Variants in ADAMTS9 observed in about 807,000 individuals in gnomAD.
ADAMTS9 encodes the protein A disintegrin and metalloproteinase with thrombospondin motifs 9.
ADAMTS9 carries 107 observed loss-of-function variants against 257.1 expected under a neutral mutation model. The observed-to-expected ratio is 0.42, with a 90% confidence interval of 0.36 to 0.49. The LOEUF is 0.49. Among genes scored for constraint, ADAMTS9 ranks in the 20% least tolerant of loss-of-function variants. ADAMTS9 has a pLI of 0.03. For synonymous variants in ADAMTS9, 982 were observed against 880.9 expected (o/e 1.11, Z -2.03); for missense variants, 2,353 against 2,469.1 (o/e 0.95, Z 1.00).
At chr3:64,667,595 G>T (rs1471451829) in intron 3 of ADAMTS9, among the ~76,000 whole-genome samples, 1 of 152,182 alleles carries the variant, frequency 6.6e-6, no homozygotes, top group Admixed American at 6.5e-5. Flanking sequence ...GGTGCCTCCA[G>T]CTACCTGGGG....
At chr3:64,569,966 T>G (rs2083639195) in intron 28 of ADAMTS9, among the ~76,000 whole-genome samples, 1 of 152,190 alleles carries the variant, frequency 6.6e-6, no homozygotes, top group African/African-American at 2.4e-5. Context: ...TGCGATATAA[T>G]TCTAGAAGGC....
chr3:64,551,331 T>A (rs1345449343), intron 30 of ADAMTS9, among the ~76,000 whole-genome samples: 1 of 152,112 alleles, frequency 6.6e-6, no homozygotes, highest in African/African-American at 2.4e-5. Flanking sequence ...TGCCTCAGCC[T>A]CCCGAGTAGC....
At position 64,682,873 on chromosome 3, in the gene ADAMTS9, A is replaced by G. The variant is rs556722621; in HGVS notation, c.517-1510T>C. On this transcript the variant is annotated intron_variant, in intron 2 of 39. Coordinates refer to ENST00000498707, the MANE Select transcript of ADAMTS9 (RefSeq NM_182920.2). The stretch of plus-strand genomic sequence containing the variant: ...TTGGCTCCCCAAAACAGCTAGCTTC[A>G]AAATTGCCTGGGAAGGTTTTTTGTT... 5.9e-5 allele frequency among the ~76,000 whole-genome samples: 9 copies of G among 152,354 alleles called. No individual in the cohort carries two copies. In the South Asian group the frequency reaches 1.9e-3, roughly 32 times the overall value.
chr3:64,585,334 T>A (rs1467422486), intron 28 of ADAMTS9, among the ~76,000 whole-genome samples: 2 of 152,130 alleles, frequency 1.3e-5, no homozygotes, highest in African/African-American at 4.8e-5. Context: ...CCACATGGAC[T>A]AAGGAATACA....
chr3:64,657,406 G>A (rs1317198335), intron 4 of ADAMTS9, among the ~76,000 whole-genome samples: 2 of 152,076 alleles, frequency 1.3e-5, no homozygotes, highest in African/African-American at 4.8e-5. Context: ...GCGCAATCAA[G>A]GCTCACTGTA....
intron 12 of ADAMTS9, among the ~76,000 whole-genome samples, chr3:64,640,751 T>C (rs1182300441): frequency 2.0e-5 from 3 of 152,248 alleles, no homozygotes; most frequent in Non-Finnish European, 4.4e-5. Context: ...TTCAACTATG[T>C]ATGTCTTAGA....
chr3:64,600,291 G>A (rs940559172), intron 26 of ADAMTS9, among the ~76,000 whole-genome samples: 2 of 152,078 alleles, frequency 1.3e-5, no homozygotes, highest in Admixed American at 1.3e-4. Context: ...ATCTTCCTGG[G>A]AGCAGGTCAG....
At chr3:64,582,882 G>C (rs959472454) in intron 28 of ADAMTS9, 1 of 152,146 alleles carries the variant, frequency 6.6e-6, no homozygotes, top group African/African-American at 2.4e-5. Flanking sequence ...ACTTCCAGAA[G>C]AGTTCTCAAA....
In ADAMTS9 at chr3:64,622,310, C is replaced by G; in HGVS notation, c.2574G>C (p.Lys858Asn). Residue 858 changes from lysine (K) to asparagine (N), a missense_variant, in exon 18 of 40, where the codon AAG (lysine) becomes AAC (asparagine). By Grantham distance (94) the Lys-to-Asn change is moderately conservative. Around this residue, in one of 3 missense-constraint regions of ADAMTS9, gnomAD observed 1,402 missense variants for 1,441.4 expected, o/e 0.97. Transcript: ENST00000498707. ...AATAGCGTACATCGGGGTTGTACAACTTTCCCACCGACAAAACCTAGAATG... is the reference window on the plus strand; with the variant it reads ...AATAGCGTACATCGGGGTTGTACAAGTTTCCCACCGACAAAACCTAGAATG... ...ELLLQVLSVG[K>N]LYNPDVRYSF... is the part of the protein sequence containing the mutation. 1 of 1,613,672 alleles carries G rather than the reference C, an allele frequency of 6.2e-7. No homozygotes were observed. Among genetic ancestry groups the G allele is most frequent in the Non-Finnish European group, 8.5e-7 (1 of 1,179,906 alleles).
In ADAMTS9 at chr3:64,687,099, A is replaced by G. The variant is rs76966322; in HGVS notation, c.116-131T>C. ...CGAGTCAATCCCTTCACCCTTAATC[A>G]GTGGACAAATATTTGCTGAGCACCT... On this transcript the variant is annotated intron_variant, in intron 1 of 39. Transcript: ENST00000498707. This position sits in a 1 kb window ranked among gnomAD's most constrained non-coding sequence, Gnocchi z 4.4. The G allele has an allele frequency of 9.4e-3, 10,517 of 1,115,430 alleles. 147 individuals are homozygous for G. Among genetic ancestry groups the G allele is most frequent in the African/African-American group, 0.035 (2,228 of 63,752 alleles). 69.1% of individuals were successfully genotyped at this position (1,115,430 alleles called of 1,614,324 possible). A position where few individuals can be genotyped will look rare whatever the true frequency, so the allele number is the denominator to read the frequency against.
At chr3:64,535,573 A>C (rs1249273162) in intron 37 of ADAMTS9, among the ~76,000 whole-genome samples, 1 of 63,644 alleles carries the variant, frequency 1.6e-5, no homozygotes, top group Non-Finnish European at 3.1e-5. Context: ...TTTTTTTTTG[A>C]GACAAGGTCT....
rs747712607 is a variant in ADAMTS9 at position 64,622,417 on chromosome 3, T to C, written c.2556+3A>G. The C allele has an allele frequency of 1.2e-6, 2 of 1,613,914 alleles. No individual in the cohort carries two copies. The highest frequency in any genetic ancestry group is 1.7e-6 in the Non-Finnish European group (2 of 1,179,904). ...GGTGGTGGGCTCATGGTCAAGTTTT[T>C]ACCTGAAGCAAAAGTTCTTGCTCAA... On this transcript the variant is annotated splice_donor_region_variant and intron_variant, in intron 17 of 39. Coordinates refer to ENST00000498707, the MANE Select transcript of ADAMTS9 (RefSeq NM_182920.2).
At chr3:64,603,771 TAA>T in intron 25 of ADAMTS9, 149 bp downstream of exon 25, 1 of 926,524 alleles carries the variant, frequency 1.1e-6, no homozygotes, top group Non-Finnish European at 1.6e-6. Flanking sequence ...CAACTACACA[TAA>T]GTGGAGCAGC....
intron 32 of ADAMTS9, among the ~76,000 whole-genome samples, chr3:64,543,793 A>G (rs2083160144): frequency 6.6e-6 from 1 of 152,188 alleles, no homozygotes; most frequent in African/African-American, 2.4e-5. Flanking sequence ...GAAAGAAATA[A>G]AGGGTATTCA....
chr3:64,594,532 T>A (rs79660480), intron 27 of ADAMTS9, 98 bp from the exon 28 acceptor site: 1 of 1,460,478 alleles, frequency 6.8e-7, no homozygotes, highest in African/African-American at 1.4e-5. Context: ...AATTATGGCA[T>A]TGGGCAAGGT....
intron 36 of ADAMTS9, among the ~76,000 whole-genome samples, chr3:64,540,247 G>A (rs901169161): frequency 3.3e-5 from 5 of 152,140 alleles, no homozygotes; most frequent in Non-Finnish European, 7.3e-5. Flanking sequence ...AAGTATCTTG[G>A]TACAAATCAC....
chr3:64,655,407 G>T (rs578240900), intron 6 of ADAMTS9, among the ~76,000 whole-genome samples, 169 bp downstream of exon 6: 1 of 152,192 alleles, frequency 6.6e-6, no homozygotes, highest in Non-Finnish European at 1.5e-5. Context: ...AGAGGCCAGG[G>T]ATGCTGTTAA....
chr3:64,651,760 G>A (rs1039185516), intron 8 of ADAMTS9, among the ~76,000 whole-genome samples: 12 of 152,168 alleles, frequency 7.9e-5, no homozygotes, highest in Non-Finnish European at 1.6e-4. Context: ...CCAGAAGCAT[G>A]CCAATTCTAC....
rs934684380 is a variant in ADAMTS9 at position 64,516,829 on chromosome 3, A to G, written c.*298T>C. 5 of 152,688 alleles carry G rather than the reference A, an allele frequency of 3.3e-5. No homozygotes were observed. Among genetic ancestry groups the G allele is most frequent in the African/African-American group, 7.2e-5 (3 of 41,456 alleles). The allele number at this position is 152,688 out of a possible 1,614,324, so 9.5% of individuals were successfully genotyped here. Reference sequence around the variant, plus strand: ...TCACTTTGTCATATTACTACATGCAAAGGCAGTCATAATAGAATCATTTTA... The same window carrying G: ...TCACTTTGTCATATTACTACATGCAGAGGCAGTCATAATAGAATCATTTTA... On this transcript the variant is annotated 3_prime_UTR_variant, in exon 40 of 40. Transcript: ENST00000498707.
Sources: gnomAD v4.1 joint callset for allele counts (sites outside exome capture counted in the v4.1 genomes callset) on GRCh38, gnomAD v4.1.1 for gene constraint, gnomAD v4.1.1 regional missense constraint, Gnocchi (gnomAD v3.1) non-coding constraint, MANE v1.5 for transcripts, NCBI Gene and HGNC (gene_info 2026-07-23, HGNC 2026-07-21) for gene names.